Variants in SKAP1 observed in about 807,000 individuals in gnomAD.
SKAP1 encodes the protein src kinase associated phosphoprotein 1.
A neutral mutation model predicts 58.5 loss-of-function variants in SKAP1; 44 were observed. That is an observed-to-expected ratio of 0.75 (90% CI 0.59 to 0.97). SKAP1 has a LOEUF of 0.97. Ranked by LOEUF, SKAP1 falls within the 50% of genes least tolerant of loss-of-function variation. The pLI is 0.00. For synonymous variants in SKAP1, 127 were observed against 149.7 expected (o/e 0.85, Z 1.11); for missense variants, 390 against 435.2 (o/e 0.90, Z 0.92).
At chr17:48,425,553 G>A (rs937467668) in intron 1 of SKAP1, among the ~76,000 whole-genome samples, 5 of 152,186 alleles carry the variant, frequency 3.3e-5, no homozygotes, top group Non-Finnish European at 7.3e-5. Flanking sequence ...CTGAGCAGTA[G>A]CCTCACTGAT....
intron 4 of SKAP1, among the ~76,000 whole-genome samples, chr17:48,246,279 T>A (rs1256156700): frequency 6.6e-6 from 1 of 152,238 alleles, no homozygotes; most frequent in South Asian, 2.1e-4. Context: ...CTGGTTTACC[T>A]TTACTGTCTC....
chr17:48,370,754 C>A (rs1343941395), intron 2 of SKAP1, among the ~76,000 whole-genome samples: 2 of 152,198 alleles, frequency 1.3e-5, no homozygotes, highest in Admixed American at 6.5e-5. Flanking sequence ...AACTACCATT[C>A]AACCCCGTAA....
chr17:48,396,999 A>G (rs72827858), intron 1 of SKAP1: 40,775 of 191,840 alleles, frequency 0.21, 5,249 homozygotes, highest in South Asian at 0.37. Context: ...ATACTTTATA[A>G]TAGTTAAGAT....
At chr17:48,327,666 A>G (rs1269984071) in intron 4 of SKAP1, among the ~76,000 whole-genome samples, 3 of 152,140 alleles carry the variant, frequency 2.0e-5, no homozygotes, top group Admixed American at 6.5e-5. Context: ...CTCACTCTTA[A>G]CACCCAGACT....
At chr17:48,388,411 G>C (rs1200102260) in intron 2 of SKAP1, among the ~76,000 whole-genome samples, 1 of 152,098 alleles carries the variant, frequency 6.6e-6, no homozygotes, top group Non-Finnish European at 1.5e-5. Context: ...TCCAGCCTGG[G>C]TGACAGAGTG....
At chr17:48,370,630 A>G (rs2067072169) in intron 2 of SKAP1, among the ~76,000 whole-genome samples, 1 of 152,144 alleles carries the variant, frequency 6.6e-6, no homozygotes, top group Non-Finnish European at 1.5e-5. Flanking sequence ...AAGAAACAAC[A>G]GGTGCTGGTG....
the SKAP1 span, among the ~76,000 whole-genome samples, chr17:48,438,914 G>A: frequency 8.6e-5 from 13 of 151,934 alleles, no homozygotes; most frequent in Admixed American, 8.5e-4. Flanking sequence ...AGGCTAGTGA[G>A]AAAGAAAAAG....
rs2066098423 is a variant in SKAP1, at chr17:48,303,907, A to G, written c.280+41998T>C. On this transcript the variant is annotated intron_variant, in intron 4 of 12. Coordinates refer to ENST00000336915, the MANE Select transcript of SKAP1 (RefSeq NM_003726.4). ...ATTCAGGAGTGTGAATGCTAAGGTT[A>G]TAACTGGGGATTATACACAGAAACA... 2.0e-5 allele frequency among the ~76,000 whole-genome samples: 3 copies of G among 152,214 alleles called. No homozygotes were observed. The South Asian group carries it at 6.2e-4, about 32-fold the overall frequency.
upstream of SKAP1, among the ~76,000 whole-genome samples, chr17:48,433,886 A>G (rs1258580015): frequency 1.3e-5 from 2 of 152,204 alleles, no homozygotes; most frequent in Admixed American, 6.5e-5. Context: ...ATAGGCATCT[A>G]TGGGATGTCC....
At chr17:48,175,002 C>T (rs1310628123) in intron 9 of SKAP1, among the ~76,000 whole-genome samples, 1 of 152,176 alleles carries the variant, frequency 6.6e-6, no homozygotes, top group Non-Finnish European at 1.5e-5. Context: ...CACAAATGAG[C>T]ATCAGTATCT....
At chr17:48,146,579 G>C (rs1264862555) in intron 11 of SKAP1, among the ~76,000 whole-genome samples, 1 of 151,680 alleles carries the variant, frequency 6.6e-6, no homozygotes, top group Non-Finnish European at 1.5e-5. Flanking sequence ...AGCTGAAGAG[G>C]CTGTTCCTCC....
At chr17:48,328,376 C>T (rs1455090974) in intron 4 of SKAP1, among the ~76,000 whole-genome samples, 1 of 152,104 alleles carries the variant, frequency 6.6e-6, no homozygotes, top group Admixed American at 6.5e-5. Flanking sequence ...ATGACACTGA[C>T]TTGAAACAAG....
chr17:48,288,673 G>GAGACC (rs1400491670), intron 4 of SKAP1, among the ~76,000 whole-genome samples: 1 of 152,100 alleles, frequency 6.6e-6, no homozygotes, highest in Non-Finnish European at 1.5e-5. Context: ...GCGACAAAGT[G>GAGACC]AGACCATCTC....
intron 4 of SKAP1, among the ~76,000 whole-genome samples, chr17:48,303,345 T>G (rs2066088677): frequency 6.6e-6 from 1 of 152,228 alleles, no homozygotes; most frequent in Admixed American, 6.5e-5. Context: ...TCCCTAGATA[T>G]TCTAGTTCAA....
chr17:48,400,391 G>T (rs770839460), intron 1 of SKAP1, among the ~76,000 whole-genome samples: 24 of 151,938 alleles, frequency 1.6e-4, no homozygotes, highest in African/African-American at 2.9e-4. Flanking sequence ...GAGCCACCAC[G>T]CCCAGCCAAT....
intron 2 of SKAP1, among the ~76,000 whole-genome samples, chr17:48,372,068 T>G (rs889398613): frequency 1.3e-5 from 2 of 151,800 alleles, no homozygotes; most frequent in African/African-American, 4.8e-5. Context: ...GCCTCCTGGG[T>G]TCACGCGATT....
chr17:48,197,134 T>A (rs1465350408), intron 4 of SKAP1, among the ~76,000 whole-genome samples: 1 of 151,886 alleles, frequency 6.6e-6, no homozygotes, highest in Non-Finnish European at 1.5e-5. Flanking sequence ...GGTGCACACC[T>A]GTAATCCCAG....
At chr17:48,264,259 T>C (rs546699708) in intron 4 of SKAP1, among the ~76,000 whole-genome samples, 73 of 152,094 alleles carry the variant, frequency 4.8e-4, no homozygotes, top group African/African-American at 1.7e-3. Context: ...TATACATATA[T>C]ATATACACAC....
At chr17:48,408,655 T>C (rs2067621085) in intron 1 of SKAP1, among the ~76,000 whole-genome samples, 1 of 152,214 alleles carries the variant, frequency 6.6e-6, no homozygotes, top group East Asian at 1.9e-4. Context: ...ATTTCTTTAA[T>C]AGGTTAAAAA....
Sources: gnomAD v4.1 joint callset for allele counts (sites outside exome capture counted in the v4.1 genomes callset) on GRCh38, gnomAD v4.1.1 for gene constraint, MANE v1.5 for transcripts, NCBI Gene and HGNC (gene_info 2026-07-23, HGNC 2026-07-21) for gene names.